Variants in RNF128 observed in about 807,000 individuals in gnomAD.
RNF128 encodes ring finger protein 128, also known as E3 ubiquitin-protein ligase RNF128.
A neutral mutation model predicts 26.2 loss-of-function variants in RNF128; 13 were observed. The observed-to-expected ratio is 0.50, with a 90% CI of 0.32 to 0.79. The LOEUF (loss-of-function observed/expected upper bound fraction) is 0.79. Ranked by LOEUF, RNF128 falls within the 30% of genes least tolerant of loss-of-function variation. The pLI, the probability that RNF128 is intolerant of heterozygous loss-of-function variation, is 0.03. For missense variants in RNF128, 315 were observed against 349.7 expected (o/e 0.90, Z 0.79); for synonymous variants, 149 against 142.5 (o/e 1.05, Z -0.32).
chrX:106,715,042 T>C, intron 1 of RNF128, among the ~76,000 whole-genome samples: 1 of 111,896 alleles, frequency 8.9e-6, no homozygotes, highest in Non-Finnish European at 1.9e-5. Context: ...TGAATGTAAT[T>C]TTTCATTTTT....
intron 1 of RNF128, among the ~76,000 whole-genome samples, chrX:106,768,648 G>A (rs1375191561): frequency 7.2e-5 from 8 of 110,794 alleles, no homozygotes; most frequent in Admixed American, 2.9e-4. Context: ...CAATTTTGTT[G>A]ATCTTTTCAA....
intron 6 of RNF128, among the ~76,000 whole-genome samples, chrX:106,792,355 T>C (rs1346804975): frequency 9.3e-6 from 1 of 107,084 alleles, no homozygotes; most frequent in Admixed American, 1.0e-4. Context: ...TGTGTTCTGT[T>C]CTTCTGTGGG....
chrX:106,707,798 G>C (rs1037423286), intron 1 of RNF128, among the ~76,000 whole-genome samples: 1 of 109,557 alleles, frequency 9.1e-6, no homozygotes, highest in African/African-American at 3.3e-5. Flanking sequence ...AAAGGCAAAT[G>C]GTCCCAGGAA....
At chrX:106,760,055 T>C (rs1423886078) in intron 1 of RNF128, among the ~76,000 whole-genome samples, 1 of 111,178 alleles carries the variant, frequency 9.0e-6, no homozygotes, top group African/African-American at 3.3e-5. Flanking sequence ...AACCTAGAAA[T>C]ATATACACCT....
intron 6 of RNF128, among the ~76,000 whole-genome samples, chrX:106,794,208 A>G (rs1408193289): frequency 9.1e-6 from 1 of 110,487 alleles, no homozygotes; most frequent in East Asian, 2.9e-4. Flanking sequence ...TCATTCTATA[A>G]TATCATTCTC....
At chrX:106,714,177 C>CA (rs59889624) in intron 1 of RNF128, among the ~76,000 whole-genome samples, 85 of 51,444 alleles carry the variant, frequency 1.7e-3, no homozygotes, top group East Asian at 0.01. Context: ...GACTCCGTCT[C>CA]AAAAAAAAAA....
Position 106,796,820 on chromosome X carries a change from AT to A in RNF128, c.*1111del, listed in dbSNP as rs990173789. On this transcript the variant is annotated 3_prime_UTR_variant, in exon 7 of 7. Transcript: ENST00000255499. Reference sequence around the variant, plus strand: ...TACTCTGTGTGGCTTTTGTTTTAGAATTTTGTTCAAATTATAGCAGAATTTA... The same window carrying A: ...TACTCTGTGTGGCTTTTGTTTTAGAATTTGTTCAAATTATAGCAGAATTTA... The A allele has an allele frequency of 7.2e-5, 8 of 111,670 alleles. No homozygotes were observed. Among genetic ancestry groups the A allele is most frequent in the African/African-American group, 2.6e-4 (8 of 30,655 alleles). The allele number at this position is 111,670 out of a possible 1,213,427, so 9.2% of individuals were successfully genotyped here. A position where few individuals can be genotyped will look rare whatever the true frequency, so the allele number is the denominator to read the frequency against.
At chrX:106,746,131 G>A (rs1264363849) in intron 1 of RNF128, among the ~76,000 whole-genome samples, 12 of 111,095 alleles carry the variant, frequency 1.1e-4, no homozygotes, top group Non-Finnish European at 1.9e-4. Flanking sequence ...GTATTATCAG[G>A]ATGTTTGGAC....
At chrX:106,726,568 C>A (rs73247955), upstream of RNF128, 10,970 of 710,826 alleles carry the variant, frequency 0.015, 77 homozygotes, top group Non-Finnish European at 0.017. Context: ...AGATCCTATT[C>A]TAACATCGAT....
At chrX:106,753,349 C>CTTTG (rs199646117) in intron 1 of RNF128, among the ~76,000 whole-genome samples, 2 of 111,456 alleles carry the variant, frequency 1.8e-5, no homozygotes, top group African/African-American at 6.5e-5. Flanking sequence ...TTAGTTTTCT[C>CTTTG]TTTGTTTGTT....
intron 4 of RNF128, 44 bp downstream of exon 4, chrX:106,788,044 C>A (rs1159356650): frequency 1.3e-6 from 1 of 793,713 alleles, no homozygotes; most frequent in Admixed American, 3.3e-5. Context: ...ATAGCTGACC[C>A]ACAAAAATGA....
intron 1 of RNF128, among the ~76,000 whole-genome samples, chrX:106,751,701 C>A (rs909567422): frequency 4.5e-5 from 5 of 110,367 alleles, no homozygotes; most frequent in African/African-American, 1.7e-4. Context: ...AAATAAAGCA[C>A]CAAGCAGAGT....
chrX:106,793,686 C>G (rs1657670658), intron 6 of RNF128, among the ~76,000 whole-genome samples: 1 of 111,102 alleles, frequency 9.0e-6, no homozygotes, highest in Non-Finnish European at 1.9e-5. Flanking sequence ...CTGAAGATTA[C>G]TGGTCAGTTA....
At chrX:106,714,402 T>C (rs754162033) in intron 1 of RNF128, among the ~76,000 whole-genome samples, 3 of 111,727 alleles carry the variant, frequency 2.7e-5, no homozygotes, top group African/African-American at 9.8e-5. Flanking sequence ...TTTTATTTTT[T>C]AAAAATGTAG....
intron 2 of RNF128, among the ~76,000 whole-genome samples, chrX:106,782,487 A>C (rs7877910): frequency 9.0e-6 from 1 of 111,526 alleles, no homozygotes; most frequent in Admixed American, 9.6e-5. Flanking sequence ...ATCAAAAGAC[A>C]GATGAGTTAT....
chrX:106,745,516 G>A (rs1317268982), intron 1 of RNF128, among the ~76,000 whole-genome samples: 1 of 111,687 alleles, frequency 9.0e-6, no homozygotes, highest in African/African-American at 3.2e-5. Flanking sequence ...AAAGAAATTT[G>A]GGGGCCAAAT....
intron 1 of RNF128, among the ~76,000 whole-genome samples, chrX:106,767,417 G>A (rs1315902889): frequency 9.0e-6 from 1 of 111,446 alleles, no homozygotes; most frequent in Non-Finnish European, 1.9e-5. Context: ...TTCTCCTTGA[G>A]GAGGTCCTTC....
chrX:106,766,335 G>GT (rs1011413984), intron 1 of RNF128, among the ~76,000 whole-genome samples: 4 of 111,940 alleles, frequency 3.6e-5, no homozygotes, highest in African/African-American at 1.3e-4. Context: ...CCCACCAACA[G>GT]TTAAAGGAGT....
intron 1 of RNF128, among the ~76,000 whole-genome samples, chrX:106,698,344 A>AGTCAAGT (rs1350003131): frequency 2.7e-5 from 3 of 110,670 alleles, no homozygotes; most frequent in African/African-American, 9.9e-5. Context: ...AGTGGATTAG[A>AGTCAAGT]GTCAAGTGTG....
Sources: gnomAD v4.1 joint callset for allele counts (sites outside exome capture counted in the v4.1 genomes callset) on GRCh38, gnomAD v4.1.1 for gene constraint, MANE v1.5 for transcripts, NCBI Gene and HGNC (gene_info 2026-07-23, HGNC 2026-07-21) for gene names.